NPAS3: variants seen among roughly 807,000 people sequenced by gnomAD.
NPAS3 encodes the protein neuronal PAS domain protein 3, also known as neuronal PAS domain-containing protein 3.
A neutral mutation model predicts 73.1 loss-of-function variants in NPAS3; 14 were observed. The observed-to-expected ratio is 0.19, with a 90% confidence interval of 0.13 to 0.30. NPAS3 has a LOEUF of 0.30. Ranked by LOEUF, NPAS3 falls within the 10% of genes least tolerant of loss-of-function variation. The probability of loss-of-function intolerance (pLI) is 1.00; values close to 1 mark genes in which losing one functional copy is unlikely to be tolerated. For missense variants in NPAS3, 1,096 were observed against 1,250.0 expected, an observed-to-expected ratio of 0.88 and a Z score of 1.86; for synonymous variants, 620 against 541.5, an observed-to-expected ratio of 1.14 and a Z score of -2.01.
intron 4 of NPAS3, among the ~76,000 whole-genome samples, chr14:33,541,826 A>G (rs1296677344): frequency 6.6e-6 from 1 of 152,142 alleles, no homozygotes; most frequent in Non-Finnish European, 1.5e-5. Flanking sequence ...AATCTGCTGT[A>G]GTTTCCAATT....
At chr14:33,597,103 C>T (rs570200151) in intron 5 of NPAS3, among the ~76,000 whole-genome samples, 6 of 152,304 alleles carry the variant, frequency 3.9e-5, no homozygotes, top group Non-Finnish European at 8.8e-5. Context: ...AAAGTATATT[C>T]CTTTTGAAAG....
At chr14:33,465,865 T>C (rs186794736) in intron 4 of NPAS3, among the ~76,000 whole-genome samples, 8 of 152,298 alleles carry the variant, frequency 5.3e-5, no homozygotes, top group East Asian at 3.9e-4. Context: ...CTCAAATCAT[T>C]TGTGGAATCA....
intron 3 of NPAS3, among the ~76,000 whole-genome samples, chr14:33,280,211 C>T (rs2041536549): frequency 6.6e-6 from 1 of 151,540 alleles, no homozygotes; most frequent in African/African-American, 2.4e-5. Context: ...TAAACATACC[C>T]CTTTTACTCT....
chr14:33,315,750 A>G (rs1341709110), intron 3 of NPAS3, among the ~76,000 whole-genome samples: 6 of 151,934 alleles, frequency 3.9e-5, no homozygotes, highest in Admixed American at 2.0e-4. Context: ...GGGAAAAGCT[A>G]TGGGGGTAAG....
At chr14:33,624,466 A>G (rs1017547116) in intron 5 of NPAS3, among the ~76,000 whole-genome samples, 1 of 152,192 alleles carries the variant, frequency 6.6e-6, no homozygotes, top group Non-Finnish European at 1.5e-5. Context: ...ATGATTGAGT[A>G]AAGTTTTATA....
chr14:33,596,767 GT>G lies in NPAS3; in HGVS notation c.558+36558del, dbSNP rs575800344. 9.9e-4 allele frequency among the ~76,000 whole-genome samples: 150 copies of G among 152,164 alleles called. 1 individual carries two copies. Among genetic ancestry groups the G allele is most frequent in the Non-Finnish European group, 1.8e-3 (121 of 68,028 alleles). On this transcript the variant is annotated intron_variant, in intron 5 of 11. Transcript: ENST00000356141. ...CTGCCTGCTAGATAGTAACTGGATT[GT>G]CATATATTCATTCTTCAGCCATTAT...
intron 5 of NPAS3, among the ~76,000 whole-genome samples, chr14:33,673,200 A>G (rs2059660927): frequency 6.6e-6 from 1 of 152,214 alleles, no homozygotes; most frequent in Non-Finnish European, 1.5e-5. Flanking sequence ...AGGGGAACTC[A>G]GAGGTCTCTG....
intron 2 of NPAS3, among the ~76,000 whole-genome samples, chr14:33,095,670 ATTTTTTTT>A (rs869237169): frequency 2.8e-5 from 2 of 71,282 alleles, no homozygotes; most frequent in African/African-American, 8.1e-5. Context: ...TTATTTTTTT[ATTTTTTTT>A]TTTTTTTTGA....
intron 2 of NPAS3, among the ~76,000 whole-genome samples, chr14:33,176,042 G>T (rs891834870): frequency 6.6e-6 from 1 of 151,970 alleles, no homozygotes; most frequent in Non-Finnish European, 1.5e-5. Flanking sequence ...TTACATACCT[G>T]TTCTATTTTA....
At chr14:33,281,501 G>A (rs956380213) in intron 3 of NPAS3, among the ~76,000 whole-genome samples, 2 of 152,028 alleles carry the variant, frequency 1.3e-5, no homozygotes, top group Non-Finnish European at 2.9e-5. Context: ...GCGTGGTGGT[G>A]CATGTCTGTA....
intron 5 of NPAS3, among the ~76,000 whole-genome samples, chr14:33,637,486 A>C (rs1304712452): frequency 6.6e-6 from 1 of 152,212 alleles, no homozygotes; most frequent in Non-Finnish European, 1.5e-5. Flanking sequence ...CTTATAAAGC[A>C]CTACTTTTTC....
chr14:33,192,883 C>A (rs1172714852), intron 2 of NPAS3, among the ~76,000 whole-genome samples: 1 of 152,164 alleles, frequency 6.6e-6, no homozygotes, highest in East Asian at 1.9e-4. Flanking sequence ...GTAGGAACTC[C>A]CTTTTAAGTG....
chr14:33,476,117 T>G (rs1382637385), intron 4 of NPAS3, among the ~76,000 whole-genome samples: 1 of 152,240 alleles, frequency 6.6e-6, no homozygotes, highest in Non-Finnish European at 1.5e-5. Context: ...ATGTACAGTT[T>G]ACTTCCTTTC....
At chr14:33,336,922 TG>T (rs1459195992) in intron 3 of NPAS3, among the ~76,000 whole-genome samples, 1 of 152,152 alleles carries the variant, frequency 6.6e-6, no homozygotes, top group Non-Finnish European at 1.5e-5. Flanking sequence ...CATTTTTTAT[TG>T]GGTTGTTTGT....
intron 1 of NPAS3, among the ~76,000 whole-genome samples, chr14:32,980,603 C>A (rs1310319098): frequency 6.6e-6 from 1 of 152,024 alleles, no homozygotes; most frequent in Non-Finnish European, 1.5e-5. Flanking sequence ...TGGACGCTAC[C>A]ATTTTAAAAA....
intron 3 of NPAS3, among the ~76,000 whole-genome samples, chr14:33,248,286 G>A (rs965315105): frequency 2.0e-5 from 3 of 152,164 alleles, no homozygotes; most frequent in African/African-American, 7.2e-5. Flanking sequence ...TGCCACGTTG[G>A]CTGTCATAAA....
chr14:33,796,154 A>G (rs2063507213), intron 10 of NPAS3, among the ~76,000 whole-genome samples: 1 of 152,054 alleles, frequency 6.6e-6, no homozygotes, highest in South Asian at 2.1e-4. Flanking sequence ...TCTTTCCCAC[A>G]TTCTTGTCTA....
In NPAS3 at chr14:33,477,453, A is replaced by T. The variant is rs139335543; in HGVS notation, c.469-82668A>T. Among the ~76,000 whole-genome samples, 794 of 152,282 alleles carry T rather than the reference A, an allele frequency of 5.2e-3. 7 individuals carry two copies. Among genetic ancestry groups the T allele is most frequent in the African/African-American group, 0.017 (712 of 41,558 alleles). ...CCTAACTCTGAACAGAGATAACGTG[A>T]TCATGTGCCCAACACACACACAAAC... is the stretch of plus-strand genomic sequence containing the variant. On this transcript the variant is annotated intron_variant, in intron 4 of 11. Transcript: ENST00000356141.
intron 4 of NPAS3, among the ~76,000 whole-genome samples, chr14:33,543,772 A>G (rs1252707932): frequency 1.3e-5 from 2 of 152,016 alleles, no homozygotes; most frequent in Middle Eastern, 3.2e-3. Context: ...TGTCTCAGGG[A>G]ATTCAAACCT....
Sources: gnomAD v4.1 joint callset for allele counts (sites outside exome capture counted in the v4.1 genomes callset) on GRCh38, gnomAD v4.1.1 for gene constraint, MANE v1.5 for transcripts, NCBI Gene and HGNC (gene_info 2026-07-23, HGNC 2026-07-21) for gene names.